The following FGF14 variants were observed in gnomAD, a reference collection of about 807,000 sequenced individuals.
The protein encoded by FGF14 is fibroblast growth factor 14, also known as fibroblast growth factor homologous factor 4.
In FGF14, 5 loss-of-function variants were observed where a neutral mutation model predicts 25.5. The observed-to-expected ratio is 0.20, with a 90% CI of 0.10 to 0.41. FGF14 has a LOEUF of 0.41. Ranked by LOEUF, FGF14 falls within the 10% of genes least tolerant of loss-of-function variation. The probability of loss-of-function intolerance (pLI) is 1.00; values close to 1 mark genes in which losing one functional copy is unlikely to be tolerated. For missense variants in FGF14, 222 were observed against 320.1 expected, an observed-to-expected ratio of 0.69 and a Z score of 2.34; for synonymous variants, 138 against 118.3, an observed-to-expected ratio of 1.17 and a Z score of -1.08.
intron 1 of FGF14, among the ~76,000 whole-genome samples, chr13:102,112,762 C>T (rs1161003700): frequency 1.3e-5 from 2 of 152,138 alleles, no homozygotes; most frequent in Non-Finnish European, 2.9e-5. Flanking sequence ...AGTTTCTGCA[C>T]TCTACACTTT....
intron 1 of FGF14, among the ~76,000 whole-genome samples, chr13:102,325,859 G>A (rs191793571): frequency 1.3e-5 from 2 of 152,230 alleles, no homozygotes; most frequent in African/African-American, 4.8e-5. Context: ...GTTCACTGGT[G>A]TACTCTGGTG....
At chr13:101,870,637 T>C (rs926205248) in intron 2 of FGF14, among the ~76,000 whole-genome samples, 1 of 152,168 alleles carries the variant, frequency 6.6e-6, no homozygotes, top group Non-Finnish European at 1.5e-5. Flanking sequence ...CTAGTGTTTT[T>C]CCCTTGTGTT....
intron 1 of FGF14, among the ~76,000 whole-genome samples, chr13:101,978,125 C>G (rs1393583114): frequency 6.6e-6 from 1 of 152,134 alleles, no homozygotes; most frequent in African/African-American, 2.4e-5. Context: ...AACAGGTTAA[C>G]AAAAATTGGG....
At chr13:102,297,257 C>A (rs2054764698) in intron 1 of FGF14, among the ~76,000 whole-genome samples, 1 of 152,082 alleles carries the variant, frequency 6.6e-6, no homozygotes, top group Non-Finnish European at 1.5e-5. Context: ...CAAAGCTCTT[C>A]AAAACTGTTC....
In FGF14 at chr13:101,740,243, G is replaced by A. The variant is rs140745200; in HGVS notation, c.409-13433C>T. Among the ~76,000 whole-genome samples, 294 of 152,212 alleles carry A rather than the reference G, an allele frequency of 1.9e-3. 1 individual carries two copies. Among genetic ancestry groups the A allele is most frequent in the Admixed American group, 2.9e-3 (44 of 15,282 alleles). On this transcript the variant is annotated intron_variant, in intron 3 of 4. Coordinates refer to ENST00000376143, the MANE Select transcript of FGF14 (RefSeq NM_004115.4). Reference sequence around the variant, plus strand: ...TCAATGTCTGAGAGGTTTTGTCTGCGGCTCATTCTGCTACAAGGGTTTTCA... The same window carrying A: ...TCAATGTCTGAGAGGTTTTGTCTGCAGCTCATTCTGCTACAAGGGTTTTCA...
chr13:102,159,387 T>G (rs2047520045), intron 1 of FGF14, among the ~76,000 whole-genome samples: 1 of 152,166 alleles, frequency 6.6e-6, no homozygotes, highest in Admixed American at 6.5e-5. Flanking sequence ...GGAGATGGGA[T>G]AGCAAACACG....
intron 1 of FGF14, among the ~76,000 whole-genome samples, chr13:101,960,305 G>C (rs1038829043): frequency 6.6e-6 from 1 of 152,054 alleles, no homozygotes; most frequent in Non-Finnish European, 1.5e-5. Context: ...CCATCACCTA[G>C]GTATTAAGCC....
chr13:101,782,368 C>CT (rs2039551319), intron 3 of FGF14, among the ~76,000 whole-genome samples: 1 of 152,138 alleles, frequency 6.6e-6, no homozygotes, highest in African/African-American at 2.4e-5. Context: ...ACAATAGCTG[C>CT]TTTTTTGTGG....
intron 1 of FGF14, among the ~76,000 whole-genome samples, chr13:102,350,338 C>T (rs1173521177): frequency 2.0e-5 from 3 of 151,410 alleles, no homozygotes; most frequent in Non-Finnish European, 4.4e-5. Flanking sequence ...CATCGCACTG[C>T]ACTCCAGCCT....
At chr13:102,251,489 C>A (rs2052170926) in intron 1 of FGF14, among the ~76,000 whole-genome samples, 1 of 152,164 alleles carries the variant, frequency 6.6e-6, no homozygotes, top group African/African-American at 2.4e-5. Context: ...GAAACAGGAT[C>A]TCATGATGAA....
intron 3 of FGF14, among the ~76,000 whole-genome samples, chr13:101,749,619 G>A (rs1395651974): frequency 1.3e-5 from 2 of 152,030 alleles, no homozygotes; most frequent in South Asian, 2.1e-4. Flanking sequence ...GTGTGTTAGG[G>A]TTAGGAGACA....
intron 1 of FGF14, among the ~76,000 whole-genome samples, chr13:102,385,046 C>A (rs2058269395): frequency 6.6e-6 from 1 of 152,136 alleles, no homozygotes; most frequent in Non-Finnish European, 1.5e-5. Flanking sequence ...GTATGTCTAA[C>A]CACATACAAT....
At chr13:101,890,664 G>A (rs1029137403) in intron 1 of FGF14, among the ~76,000 whole-genome samples, 9 of 152,152 alleles carry the variant, frequency 5.9e-5, no homozygotes, top group Admixed American at 1.3e-4. Context: ...CAGAATTTAC[G>A]CTTCTGTACG....
rs1050207994 is a variant in FGF14, at chr13:101,719,799, T to A, written c.*3032A>T. On this transcript the variant is annotated 3_prime_UTR_variant, in exon 5 of 5. Transcript: ENST00000376143. ...TAAATACAAATGAATTCCATCAGAT[T>A]TACTATACGGAACATCAGTAGTGAC... The A allele has an allele frequency of 6.6e-6, 1 of 152,010 alleles. No homozygotes were observed. The highest frequency in any genetic ancestry group is 2.4e-5 in the African/African-American group (1 of 41,400). 9.4% of individuals were successfully genotyped at this position (152,010 alleles called of 1,614,324 possible). A position where few individuals can be genotyped will look rare whatever the true frequency, so the allele number is the denominator to read the frequency against.
At chr13:102,045,671 T>A (rs2041949841) in intron 1 of FGF14, among the ~76,000 whole-genome samples, 1 of 152,188 alleles carries the variant, frequency 6.6e-6, no homozygotes, top group African/African-American at 2.4e-5. Context: ...TTCATAATCA[T>A]ATTTGATCCC....
chr13:102,342,223 T>C (rs909552926), intron 1 of FGF14, among the ~76,000 whole-genome samples: 15 of 152,084 alleles, frequency 9.9e-5, no homozygotes, highest in African/African-American at 1.7e-4. Flanking sequence ...TGAAGAGCAA[T>C]GGAAAGTAAG....
At chr13:101,906,587 T>C (rs1041579038) in intron 1 of FGF14, among the ~76,000 whole-genome samples, 1 of 151,584 alleles carries the variant, frequency 6.6e-6, no homozygotes, top group African/African-American at 2.4e-5. Context: ...CATTGAAGAG[T>C]TTCCTGAGAA....
At chr13:102,214,662 A>G (rs1181395223) in intron 1 of FGF14, among the ~76,000 whole-genome samples, 2 of 152,204 alleles carry the variant, frequency 1.3e-5, no homozygotes, top group Non-Finnish European at 2.9e-5. Context: ...TGTTAAGTTC[A>G]TTATGTATAA....
At chr13:102,121,579 C>T (rs947965511) in intron 1 of FGF14, among the ~76,000 whole-genome samples, 4 of 152,094 alleles carry the variant, frequency 2.6e-5, no homozygotes, top group African/African-American at 9.7e-5. Context: ...ATTTTGTTGC[C>T]AATAACTATG....
Sources: allele counts gnomAD v4.1 joint callset (sites outside exome capture counted in the v4.1 genomes callset), GRCh38; gene constraint gnomAD v4.1.1; transcripts MANE v1.5; gene names NCBI Gene and HGNC (gene_info 2026-07-23, HGNC 2026-07-21).